MCM2: variants seen among roughly 807,000 people sequenced by gnomAD.
MCM2 encodes the protein DNA replication licensing factor MCM2.
MCM2 carries 49 observed loss-of-function variants against 86.4 expected under a neutral mutation model. The ratio of observed to expected loss-of-function variants is 0.57; its 90% CI spans 0.45 to 0.72. The LOEUF (loss-of-function observed/expected upper bound fraction) is 0.72. Ranked by LOEUF, MCM2 falls within the 30% of genes least tolerant of loss-of-function variation. The probability of loss-of-function intolerance (pLI) is 0.00; values close to 1 mark genes in which losing one functional copy is unlikely to be tolerated. For synonymous variants in MCM2, 475 were observed against 484.6 expected (o/e 0.98, Z 0.26); for missense variants, 1,038 against 1,259.9 (o/e 0.82, Z 2.67).
At chr3:127,599,872 A>G (rs2074294328) in intron 2 of MCM2, among the ~76,000 whole-genome samples, 1 of 152,262 alleles carries the variant, frequency 6.6e-6, no homozygotes, top group African/African-American at 2.4e-5. Flanking sequence ...GTTTCCCAGT[A>G]ACTTTTCAAA....
In MCM2 at chr3:127,616,862, C is replaced by T. The variant is rs1246403335; in HGVS notation, c.1523-6C>T. ...CCCCTCCCCCGCTTCTACTCATCCC[C>T]TCCAGGTGGCAAGCACAAGGTACGT... On this transcript the variant is annotated splice_polypyrimidine_tract_variant and splice_region_variant and intron_variant, in intron 9 of 15. Transcript: ENST00000265056. 2 of 1,609,748 alleles carry T rather than the reference C, an allele frequency of 1.2e-6. No individual in the cohort carries two copies.
intron 6 of MCM2, 59 bp from the exon 7 acceptor site, chr3:127,608,323 G>T (rs1292726551): frequency 6.3e-7 from 1 of 1,592,072 alleles, no homozygotes; most frequent in Non-Finnish European, 8.6e-7. Context: ...CTGTTCGGGG[G>T]TCAAGGTTAG....
intron 2 of MCM2, among the ~76,000 whole-genome samples, chr3:127,600,073 A>G (rs2074296501): frequency 6.6e-6 from 1 of 152,214 alleles, no homozygotes; most frequent in Non-Finnish European, 1.5e-5. Context: ...TGAGGTCAGG[A>G]GTTTGAAACC....
In MCM2 at chr3:127,617,656, A is replaced by C; in HGVS notation, c.1900+251A>C. 1 of 603,832 alleles carries C rather than the reference A, an allele frequency of 1.7e-6. No individual in the cohort carries two copies. Among genetic ancestry groups the C allele is most frequent in the Non-Finnish European group, 2.9e-6 (1 of 344,082 alleles). The allele number at this position is 603,832 out of a possible 1,614,324, so 37.4% of individuals were successfully genotyped here. On this transcript the variant is annotated intron_variant, in intron 11 of 15. Coordinates refer to ENST00000265056, the MANE Select transcript of MCM2 (RefSeq NM_004526.4). This position sits in a 1 kb window ranked among gnomAD's most constrained non-coding sequence, Gnocchi z 4.1. Reference sequence around the variant, plus strand: ...CTCAGAAGGCATGGGAGGAGAGCCCAGTGCCCCTCTGGCCAGGATGGAGTT... The same window carrying C: ...CTCAGAAGGCATGGGAGGAGAGCCCCGTGCCCCTCTGGCCAGGATGGAGTT...
In MCM2 at chr3:127,606,005, A is replaced by C; in HGVS notation, c.674-113A>C. The C allele has an allele frequency of 4.0e-6, 3 of 754,250 alleles. No homozygotes were observed. The highest frequency in any genetic ancestry group is 6.8e-6 in the Non-Finnish European group (3 of 441,300). The allele number at this position is 754,250 out of a possible 1,614,324, so 46.7% of individuals were successfully genotyped here. On this transcript the variant is annotated intron_variant, in intron 4 of 15. Coordinates refer to ENST00000265056, the MANE Select transcript of MCM2 (RefSeq NM_004526.4). The surrounding 1 kb of genome is among the most constrained non-coding windows in gnomAD (Gnocchi z 4.2). ...CCTAGAAGTGAAAGCTGGGCTTTCTAGGTCAAAATCAATGGTCGGGGTGGG... is the reference window on the plus strand; with the variant it reads ...CCTAGAAGTGAAAGCTGGGCTTTCTCGGTCAAAATCAATGGTCGGGGTGGG...
intron 8 of MCM2, 129 bp downstream of exon 8, chr3:127,609,152 T>A (rs2074373934): frequency 1.1e-6 from 1 of 948,296 alleles, no homozygotes; most frequent in Non-Finnish European, 1.6e-6. Context: ...TCAGTAAGCT[T>A]GTCTGGAAGG....
chr3:127,606,643 T>A lies in MCM2; in HGVS notation c.927T>A (p.Ser309Arg), dbSNP rs1576414019. The change falls in exon 6 of 16, where the codon AGT becomes AGA. Residue 309 changes from serine to arginine, a missense_variant. Transcript: ENST00000265056. This position sits in a 1 kb window ranked among gnomAD's most constrained non-coding sequence, Gnocchi z 4.2. Reference protein sequence around the residue: ...QLHLNQLIRTSGVVTSCTGVL... With the variant: ...QLHLNQLIRTRGVVTSCTGVL... ...ATCTGAACCAGCTGATCCGCACCAG[T>A]GGGGTGGTGACCAGCTGCACTGGCG... is the stretch of plus-strand genomic sequence containing the variant. 6.2e-7 allele frequency: 1 copy of A among 1,614,062 alleles called. No homozygotes were observed. The highest frequency in any genetic ancestry group is 1.7e-5 in the Admixed American group (1 of 60,018).
chr3:127,621,235 G>C lies in MCM2; in HGVS notation c.2604+7G>C. ...GAAGGACTTGGTGGATAAGGTATGG[G>C]CCCGGAAGGGAGGTGAGGGTTGGGG... On this transcript the variant is annotated splice_region_variant and intron_variant, in intron 15 of 15. Transcript: ENST00000265056. 2 of 1,613,808 alleles carry C rather than the reference G, an allele frequency of 1.2e-6. No homozygotes were observed. The highest frequency in any genetic ancestry group is 1.7e-6 in the Non-Finnish European group (2 of 1,179,966).
At chr3:127,601,857 T>C (rs1359123746) in intron 2 of MCM2, among the ~76,000 whole-genome samples, 1 of 152,212 alleles carries the variant, frequency 6.6e-6, no homozygotes, top group Non-Finnish European at 1.5e-5. Flanking sequence ...TCTTTTTGAT[T>C]CTGGCCATCC....
In MCM2 at chr3:127,605,271, T is replaced by C. The variant is rs73861532; in HGVS notation, c.673+115T>C. 200 of 1,392,224 alleles carry C rather than the reference T, an allele frequency of 1.4e-4. No individual in the cohort carries two copies. In the African/African-American group the frequency reaches 2.6e-3, roughly 18 times the overall value. The allele number at this position is 1,392,224 out of a possible 1,614,324, so 86.2% of individuals were successfully genotyped here. On this transcript the variant is annotated intron_variant, in intron 4 of 15. Transcript: ENST00000265056. The stretch of plus-strand genomic sequence containing the variant: ...GCACAGGGCATATGGCTGAGAGGTC[T>C]GTCAGAGAAACCAAAAGTTTTGAGT...
intron 15 of MCM2, among the ~76,000 whole-genome samples, 173 bp from the exon 16 acceptor site, chr3:127,621,490 C>T (rs115102685): frequency 0.01 from 1,523 of 152,286 alleles, 23 homozygotes; most frequent in African/African-American, 0.035. Context: ...TCAGTTTACA[C>T]GCACAGCTTG....
In MCM2 at chr3:127,599,388, C is replaced by T; in HGVS notation, c.77C>T (p.Ser26Phe). 1.2e-6 allele frequency: 2 copies of T among 1,614,186 alleles called. No homozygotes were observed. The highest frequency in any genetic ancestry group is 1.7e-6 in the Non-Finnish European group (2 of 1,180,032). ...CGGCGAGGCAATGATCCTCTCACCTCCAGCCCTGGCCGAAGCTCCCGGCGT... is the reference window on the plus strand; with the variant it reads ...CGGCGAGGCAATGATCCTCTCACCTTCAGCCCTGGCCGAAGCTCCCGGCGT... ...QRRRGNDPLTSSPGRSSRRTD... is the reference protein window; with the variant it reads ...QRRRGNDPLTFSPGRSSRRTD... Residue 26 changes from serine (S) to phenylalanine (F), a missense_variant, in exon 2 of 16, where the codon TCC (serine) becomes TTC (phenylalanine). This residue lies in a region of MCM2 where 300 missense variants were observed against 307.4 expected (regional missense o/e 0.98). Transcript: ENST00000265056.
chr3:127,609,125 C>T, intron 8 of MCM2, 102 bp downstream of exon 8: 1 of 1,231,926 alleles, frequency 8.1e-7, no homozygotes, highest in Non-Finnish European at 1.1e-6. Context: ...TCAAACCTTG[C>T]CTTATTCCCC....
rs939420001 is a variant in MCM2, at chr3:127,609,095, A to T, written c.1428+72A>T. 2.0e-6 allele frequency: 3 copies of T among 1,510,960 alleles called. No homozygotes were observed. The African/African-American group carries it at 4.1e-5, about 21-fold the overall frequency. 93.6% of individuals were successfully genotyped at this position (1,510,960 alleles called of 1,614,324 possible). On this transcript the variant is annotated intron_variant, in intron 8 of 15. Transcript: ENST00000265056. ...TATGGAGGGTTGCTGGGGCTGTGGT[A>T]GGCACCTAGGGCTCACTGCTCAAAC...
rs1576420482 is a variant in MCM2, at chr3:127,619,341, G to A, written c.2265+63G>A. 5.1e-6 allele frequency: 8 copies of A among 1,565,062 alleles called. No homozygotes were observed. The East Asian group carries it at 1.8e-4, about 35-fold the overall frequency. On this transcript the variant is annotated intron_variant, in intron 13 of 15. Coordinates refer to ENST00000265056, the MANE Select transcript of MCM2 (RefSeq NM_004526.4). ...GAAGGAAGTGCAGTGTGAGCCTTCT[G>A]ACCAATGCAGCGGGGGTGGTGGTCA...
At chr3:127,602,903 T>C (rs2074315249) in intron 2 of MCM2, among the ~76,000 whole-genome samples, 1 of 152,206 alleles carries the variant, frequency 6.6e-6, no homozygotes, top group African/African-American at 2.4e-5. Context: ...TTTGGTCTAA[T>C]GTTTTGTGGT....
chr3:127,620,028 T>G (rs2107696704), intron 13 of MCM2, among the ~76,000 whole-genome samples: 1 of 152,372 alleles, frequency 6.6e-6, no homozygotes, highest in African/African-American at 2.4e-5. Context: ...ATATATACCT[T>G]AACCATTTTG....
chr3:127,620,586 G>C (rs1384078230), intron 13 of MCM2, 112 bp from the exon 14 acceptor site: 1 of 1,085,106 alleles, frequency 9.2e-7, no homozygotes, highest in Non-Finnish European at 1.3e-6. Context: ...CATTTCTGCT[G>C]GGGCACTGTC....
Position 127,598,475 on chromosome 3 carries a change from G to T in MCM2, c.6+3G>T. 1 of 1,612,808 alleles carries T rather than the reference G, an allele frequency of 6.2e-7. No homozygotes were observed. Among genetic ancestry groups the T allele is most frequent in the East Asian group, 2.2e-5 (1 of 44,762 alleles). On this transcript the variant is annotated splice_donor_region_variant and intron_variant, in intron 1 of 15. Coordinates refer to ENST00000265056, the MANE Select transcript of MCM2 (RefSeq NM_004526.4). Reference sequence around the variant, plus strand: ...AGGATCGTGGTACTGCTATGGCGGTGAGCGCGCTGGCGCGTGGCGGGCGGG... The same window carrying T: ...AGGATCGTGGTACTGCTATGGCGGTTAGCGCGCTGGCGCGTGGCGGGCGGG...
Sources: gnomAD v4.1 joint callset for allele counts (sites outside exome capture counted in the v4.1 genomes callset) on GRCh38, gnomAD v4.1.1 for gene constraint, gnomAD v4.1.1 regional missense constraint, Gnocchi (gnomAD v3.1) non-coding constraint, MANE v1.5 for transcripts, NCBI Gene and HGNC (gene_info 2026-07-23, HGNC 2026-07-21) for gene names.